PFKFB3: variants seen among roughly 807,000 people sequenced by gnomAD.
PFKFB3 encodes 6-phosphofructo-2-kinase/fructose-2,6-bisphosphatase 3.
A neutral mutation model predicts 68.0 loss-of-function variants in PFKFB3; 33 were observed. The observed-to-expected ratio is 0.49, with a 90% CI of 0.37 to 0.65. The LOEUF (loss-of-function observed/expected upper bound fraction) is 0.65, where lower values mean the gene tolerates loss of function less well. PFKFB3 is among the 30% of genes least tolerant of loss of function. The pLI, the probability that PFKFB3 is intolerant of heterozygous loss-of-function variation, is 0.00. For missense variants in PFKFB3, 586 were observed against 712.2 expected (o/e 0.82, Z 2.02); for synonymous variants, 315 against 288.2 (o/e 1.09, Z -0.94).
chr10:6,209,468 C>G (rs1218707618), intron 1 of PFKFB3, among the ~76,000 whole-genome samples: 1 of 144,968 alleles, frequency 6.9e-6, no homozygotes, highest in Non-Finnish European at 1.5e-5. Flanking sequence ...GTGTTAAACT[C>G]AATAATTTTT....
At chr10:6,198,582 A>G (rs1843238181), upstream of PFKFB3, among the ~76,000 whole-genome samples, 2 of 152,238 alleles carry the variant, frequency 1.3e-5, no homozygotes, top group African/African-American at 4.8e-5. Context: ...TCCTGGGTTC[A>G]AGTGATTCTT....
chr10:6,194,044 C>T (rs1843101680), intron 1 of PFKFB3, among the ~76,000 whole-genome samples: 1 of 152,152 alleles, frequency 6.6e-6, no homozygotes, highest in Admixed American at 6.5e-5. Flanking sequence ...ATTTGTATTT[C>T]ATTGAGAACA....
At chr10:6,301,689 G>C in the PFKFB3 span, among the ~76,000 whole-genome samples, 13 of 152,224 alleles carry the variant, frequency 8.5e-5, no homozygotes, top group African/African-American at 2.9e-4. Context: ...GAGCAGCTCA[G>C]CTCAAAGGGC....
chr10:6,208,343 A>G (rs1588479974), intron 1 of PFKFB3, among the ~76,000 whole-genome samples: 1 of 129,530 alleles, frequency 7.7e-6, no homozygotes, highest in African/African-American at 2.9e-5. Flanking sequence ...AAGTGCTGGG[A>G]TTACAGGTGT....
rs907941821 is a variant in PFKFB3, at chr10:6,183,018, A to T, written c.17-30605A>T. On this transcript the variant is annotated intron_variant, in intron 1 of 14. Transcript: ENST00000379789. Reference sequence around the variant, plus strand: ...GGTCCCTGGCTCCAGGACACAGTGCACAGCCACAGCCCATACACGCCCCAG... The same window carrying T: ...GGTCCCTGGCTCCAGGACACAGTGCTCAGCCACAGCCCATACACGCCCCAG... Among the ~76,000 whole-genome samples, 3 of 152,178 alleles carry T rather than the reference A, an allele frequency of 2.0e-5. No homozygotes were observed. The East Asian group carries it at 5.8e-4, about 29-fold the overall frequency.
At chr10:6,144,946 T>C (rs1841327025) in exon 1 of PFKFB3, 1 of 1,250,606 alleles carries the variant, frequency 8.0e-7, no homozygotes, top group South Asian at 2.9e-5. Context: ...CGCTTGGACG[T>C]CGTCCTGTCT....
At chr10:6,180,830 C>G (rs1842691992) in intron 1 of PFKFB3, among the ~76,000 whole-genome samples, 1 of 152,042 alleles carries the variant, frequency 6.6e-6, no homozygotes, top group African/African-American at 2.4e-5. Flanking sequence ...TTTTAATGAC[C>G]CAAACTAAGA....
intron 1 of PFKFB3, among the ~76,000 whole-genome samples, chr10:6,161,605 C>T (rs201260577): frequency 4.1e-5 from 6 of 146,734 alleles, no homozygotes; most frequent in African/African-American, 7.6e-5. Flanking sequence ...TACACACACA[C>T]ATATATATAC....
At chr10:6,175,859 A>G (rs766514182) in intron 1 of PFKFB3, among the ~76,000 whole-genome samples, 1 of 152,226 alleles carries the variant, frequency 6.6e-6, no homozygotes, top group Admixed American at 6.5e-5. Flanking sequence ...AAAAGACCAC[A>G]TGTTGGGGAG....
chr10:6,247,672 C>T (rs1846288242), intron 14 of PFKFB3, among the ~76,000 whole-genome samples: 1 of 152,188 alleles, frequency 6.6e-6, no homozygotes, highest in Non-Finnish European at 1.5e-5. Context: ...GTCCAGAGCC[C>T]TGACCCATTC....
chr10:6,158,690 AC>A (rs1169031461), intron 1 of PFKFB3, among the ~76,000 whole-genome samples: 1 of 152,076 alleles, frequency 6.6e-6, no homozygotes, highest in Non-Finnish European at 1.5e-5. Flanking sequence ...ACATGGTGAA[AC>A]CCCATCTCTA....
rs1845584311 is a variant in PFKFB3, at chr10:6,229,400, C to T, written c.1515+3035C>T. ...CCCCTTGCTTCAGAAAGCCGGCCGC[C>T]TCCTCTCTGCGGCTTCTGGGAGTGG... is the stretch of plus-strand genomic sequence containing the variant. On this transcript the variant is annotated intron_variant, in intron 14 of 14. Transcript: ENST00000379775. This position sits in a 1 kb window ranked among gnomAD's most constrained non-coding sequence, Gnocchi z 4.3. Among the ~76,000 whole-genome samples the T allele has an allele frequency of 6.6e-6, 1 of 152,240 alleles. No homozygotes were observed. The highest frequency in any genetic ancestry group is 1.5e-5 in the Non-Finnish European group (1 of 68,044).
chr10:6,161,555 T>C (rs1157161730), intron 1 of PFKFB3, among the ~76,000 whole-genome samples: 2 of 151,804 alleles, frequency 1.3e-5, no homozygotes, highest in Non-Finnish European at 2.9e-5. Flanking sequence ...TGTATATATA[T>C]ACACACATAT....
rs746495300 is a variant in PFKFB3 at position 6,228,241 on chromosome 10, C to T, written c.1515+1876C>T. On this transcript the variant is annotated intron_variant, in intron 14 of 14. Transcript: ENST00000379775. This position sits in a 1 kb window ranked among gnomAD's most constrained non-coding sequence, Gnocchi z 4.5. Reference sequence around the variant, plus strand: ...TCTGTAAGTATCTCTCCGATCATCGCTGCTGCTTGCACTGCTTTCTTCCTG... The same window carrying T: ...TCTGTAAGTATCTCTCCGATCATCGTTGCTGCTTGCACTGCTTTCTTCCTG... The T allele has an allele frequency of 5.5e-5, 89 of 1,612,194 alleles. No homozygotes were observed. The highest frequency in any genetic ancestry group is 7.4e-5 in the Non-Finnish European group (87 of 1,179,466).
chr10:6,255,457 GA>G (rs1297346609), downstream of PFKFB3, among the ~76,000 whole-genome samples: 2 of 152,178 alleles, frequency 1.3e-5, no homozygotes, highest in Non-Finnish European at 2.9e-5. Flanking sequence ...CCATGTAAGC[GA>G]AGCAAAATTT....
the PFKFB3 span, among the ~76,000 whole-genome samples, chr10:6,303,746 G>A: frequency 6.7e-6 from 1 of 149,070 alleles, no homozygotes; most frequent in East Asian, 2.0e-4. Context: ...CTTGCAGTGA[G>A]CCGAGATTGC....
At chr10:6,257,952 A>G (rs1846506783), downstream of PFKFB3, among the ~76,000 whole-genome samples, 1 of 152,172 alleles carries the variant, frequency 6.6e-6, no homozygotes, top group African/African-American at 2.4e-5. Context: ...GCCCAAGGAC[A>G]GGTCTCAGAA....
the PFKFB3 span, among the ~76,000 whole-genome samples, chr10:6,306,420 T>C: frequency 6.6e-6 from 1 of 152,234 alleles, no homozygotes; most frequent in Non-Finnish European, 1.5e-5. Context: ...AGTCCTCAGA[T>C]GGCTGGAAAC....
intron 6 of PFKFB3, among the ~76,000 whole-genome samples, chr10:6,217,659 C>G (rs867710361): frequency 6.6e-6 from 1 of 152,160 alleles, no homozygotes; most frequent in Non-Finnish European, 1.5e-5. Flanking sequence ...CCTGCTGATG[C>G]ATCTCGTGAA....
Sources: allele counts gnomAD v4.1 joint callset (sites outside exome capture counted in the v4.1 genomes callset), GRCh38; gene constraint gnomAD v4.1.1; non-coding constraint Gnocchi (gnomAD v3.1); transcripts MANE v1.5; gene names NCBI Gene and HGNC (gene_info 2026-07-23, HGNC 2026-07-21).